Variants in GRHL2 observed in about 807,000 individuals in gnomAD.
The protein encoded by GRHL2 is grainyhead-like protein 2 homolog.
In GRHL2, 21 loss-of-function variants were observed where a neutral mutation model predicts 83.8. The observed-to-expected ratio is 0.25, with a 90% CI of 0.18 to 0.36. The LOEUF (loss-of-function observed/expected upper bound fraction) is 0.36, where lower values mean the gene tolerates loss of function less well. GRHL2 is among the 10% of genes least tolerant of loss of function. The pLI is 1.00. For synonymous variants in GRHL2, 280 were observed against 278.9 expected (o/e 1.00, Z -0.04); for missense variants, 623 against 781.8 (o/e 0.80, Z 2.42).
At chr8:101,510,564 T>C (rs945351995) in intron 1 of GRHL2, among the ~76,000 whole-genome samples, 2 of 152,180 alleles carry the variant, frequency 1.3e-5, no homozygotes, top group African/African-American at 4.8e-5. Context: ...TTTTTGATCA[T>C]TTCCTAGAAT....
At chr8:101,586,065 C>CTTCTTTTTTTTTTTTTTTTTTTTTTTT (rs1812158711) in intron 7 of GRHL2, among the ~76,000 whole-genome samples, 1 of 94,382 alleles carries the variant, frequency 1.1e-5, no homozygotes, top group African/African-American at 4.3e-5. Flanking sequence ...CCTCATGTTT[C>CTTCTTTTTTTTTTTTTTTTTTTTTTTT]TTTTTTTTTT....
chr8:101,631,722 G>A lies in GRHL2; in HGVS notation c.1343G>A (p.Ser448Asn), dbSNP rs773965261. Residue 448 changes from serine (S) to asparagine (N), a missense_variant and splice_region_variant, in exon 10 of 16, where the codon AGC becomes AAC. Around this residue, in one of 8 missense-constraint regions of GRHL2, gnomAD observed 210 missense variants for 254.8 expected, o/e 0.82. Transcript: ENST00000646743. The part of the protein sequence containing the change: ...KGQASQTQCN[S>N]SSDGKLAAIP... ...CAGGCCTCCCAAACTCAATGCAACA[G>A]CTGTGAGTTTCACTGAGACTAATGT... The A allele has an allele frequency of 1.9e-6, 3 of 1,611,860 alleles. No homozygotes were observed. Among genetic ancestry groups the A allele is most frequent in the Non-Finnish European group, 2.5e-6 (3 of 1,178,004 alleles).
intron 14 of GRHL2, among the ~76,000 whole-genome samples, chr8:101,659,739 T>A (rs924482744): frequency 2.0e-5 from 3 of 152,174 alleles, no homozygotes; most frequent in Admixed American, 1.3e-4. Flanking sequence ...AAAGAAAGCA[T>A]AAATTCTTCA....
At chr8:101,535,811 A>G (rs1811035453) in intron 1 of GRHL2, among the ~76,000 whole-genome samples, 1 of 152,186 alleles carries the variant, frequency 6.6e-6, no homozygotes, top group Non-Finnish European at 1.5e-5. Flanking sequence ...AAGTGCTGGG[A>G]TTACAGGCAT....
chr8:101,518,508 T>C (rs1156834121), intron 1 of GRHL2, among the ~76,000 whole-genome samples: 1 of 152,164 alleles, frequency 6.6e-6, no homozygotes, highest in Non-Finnish European at 1.5e-5. Flanking sequence ...CCTCCTCACT[T>C]GTAGGAACTC....
the GRHL2 span, among the ~76,000 whole-genome samples, chr8:101,677,519 T>C: frequency 4.7e-4 from 5 of 10,616 alleles, no homozygotes; most frequent in African/African-American, 1.6e-3. Context: ...GATTAAATAC[T>C]GGTATTGGAA....
intron 7 of GRHL2, among the ~76,000 whole-genome samples, chr8:101,596,331 G>A (rs1190076846): frequency 6.6e-6 from 1 of 152,090 alleles, no homozygotes; most frequent in Non-Finnish European, 1.5e-5. Flanking sequence ...CTGTTACTGT[G>A]AACGTCAATT....
At chr8:101,547,813 T>G (rs1373021287) in intron 2 of GRHL2, among the ~76,000 whole-genome samples, 1 of 152,242 alleles carries the variant, frequency 6.6e-6, no homozygotes, top group Non-Finnish European at 1.5e-5. Flanking sequence ...TCCAAATATA[T>G]AGAATCAGTC....
intron 4 of GRHL2, among the ~76,000 whole-genome samples, chr8:101,567,427 T>A (rs1262929144): frequency 6.6e-6 from 1 of 152,220 alleles, no homozygotes. Context: ...ATTTTGATTC[T>A]AATTCCTAAT....
intron 8 of GRHL2, among the ~76,000 whole-genome samples, chr8:101,610,846 G>A (rs1360525176): frequency 2.6e-5 from 4 of 151,050 alleles, no homozygotes; most frequent in South Asian, 2.1e-4. Flanking sequence ...AGAGACAAGG[G>A]TTGGTGGAAG....
rs201009420 is a variant in GRHL2 at position 101,619,524 on chromosome 8, T to C, written c.1099-15T>C. ...TTATGTTGACTTGTGAACTTTTTCT[T>C]TCTCTTTCCCTCAGATTTTCATCAC... On this transcript the variant is annotated splice_polypyrimidine_tract_variant and intron_variant, in intron 8 of 15. Coordinates refer to ENST00000646743, the MANE Select transcript of GRHL2 (RefSeq NM_024915.4). 29 of 1,613,418 alleles carry C rather than the reference T, an allele frequency of 1.8e-5. No individual in the cohort carries two copies. The highest frequency in any genetic ancestry group is 2.5e-5 in the Non-Finnish European group (29 of 1,179,678).
chr8:101,549,748 C>G (rs2130143517), intron 2 of GRHL2, among the ~76,000 whole-genome samples: 1 of 152,272 alleles, frequency 6.6e-6, no homozygotes, highest in East Asian at 1.9e-4. Flanking sequence ...TTGTTCTGTC[C>G]TGCCCTCTAA....
Position 101,669,648 on chromosome 8 carries a change from A to G in GRHL2, c.*2945A>G, listed in dbSNP as rs1814167916. The G allele has an allele frequency of 6.6e-6, 1 of 152,450 alleles. No homozygotes were observed. The highest frequency in any genetic ancestry group is 6.6e-5 in the Admixed American group (1 of 15,256). 9.4% of individuals were successfully genotyped at this position (152,450 alleles called of 1,614,324 possible). A position where few individuals can be genotyped will look rare whatever the true frequency, so the allele number is the denominator to read the frequency against. On this transcript the variant is annotated 3_prime_UTR_variant, in exon 16 of 16. Transcript: ENST00000646743. The stretch of plus-strand genomic sequence containing the variant: ...TTTGTAAATGGGAGAGGGGGAATCT[A>G]TAAACTATAAATACAGTTATTTTAT...
intron 5 of GRHL2, 79 bp from the exon 6 acceptor site, chr8:101,573,589 A>C: frequency 1.3e-6 from 2 of 1,534,278 alleles, no homozygotes; most frequent in Admixed American, 3.3e-5. Context: ...TTCATGTGAA[A>C]TGCTATGATG....
At chr8:101,499,405 C>T (rs564508906) in intron 1 of GRHL2, among the ~76,000 whole-genome samples, 2 of 152,252 alleles carry the variant, frequency 1.3e-5, no homozygotes, top group Middle Eastern at 3.4e-3. Flanking sequence ...TCCCTTCTTT[C>T]CTTCCTTGGT....
intron 3 of GRHL2, among the ~76,000 whole-genome samples, chr8:101,557,946 C>T (rs1763519313): frequency 6.6e-6 from 1 of 152,154 alleles, no homozygotes. Context: ...CTCACCACAA[C>T]CTCTGCCTCC....
intron 12 of GRHL2, among the ~76,000 whole-genome samples, 188 bp from the exon 13 acceptor site, chr8:101,643,943 G>C (rs1813455757): frequency 6.6e-6 from 1 of 152,232 alleles, no homozygotes; most frequent in Non-Finnish European, 1.5e-5. Flanking sequence ...AAAGATAGTG[G>C]TGTGTGTGCT....
Position 101,506,601 on chromosome 8 carries a change from A to T in GRHL2, c.20+13812A>T, listed in dbSNP as rs188949771. ...AATATTTATGTTGTTTTGACTTTTC[A>T]GTATAATAAATCATGTTTATATGTA... is the stretch of plus-strand genomic sequence containing the variant. On this transcript the variant is annotated intron_variant, in intron 1 of 15. Transcript: ENST00000646743. Among the ~76,000 whole-genome samples, 405 of 152,296 alleles carry T rather than the reference A, an allele frequency of 2.7e-3. 2 individuals carry two copies. Among genetic ancestry groups the T allele is most frequent in the Non-Finnish European group, 4.4e-3 (296 of 68,010 alleles).
chr8:101,643,890 A>G (rs1000375046), intron 12 of GRHL2, among the ~76,000 whole-genome samples: 5 of 152,218 alleles, frequency 3.3e-5, no homozygotes, highest in Non-Finnish European at 7.3e-5. Context: ...ACCTTTGTGG[A>G]TCCATATTCC....
Sources: allele counts gnomAD v4.1 joint callset (sites outside exome capture counted in the v4.1 genomes callset), GRCh38; gene constraint gnomAD v4.1.1; regional missense constraint gnomAD v4.1.1; transcripts MANE v1.5; gene names NCBI Gene and HGNC (gene_info 2026-07-23, HGNC 2026-07-21).